TRPM6: variants seen among roughly 807,000 people sequenced by gnomAD.
TRPM6 encodes the protein channel kinase 2.
TRPM6 carries 111 observed loss-of-function variants against 247.6 expected under a neutral mutation model. The ratio of observed to expected loss-of-function variants is 0.45; its 90% CI spans 0.38 to 0.52. The LOEUF (loss-of-function observed/expected upper bound fraction) is 0.52, where lower values mean the gene tolerates loss of function less well. Among genes scored for constraint, TRPM6 ranks in the 20% least tolerant of loss-of-function variants. The pLI is 0.00. For synonymous variants in TRPM6, 892 were observed against 853.8 expected (o/e 1.04, Z -0.78); for missense variants, 2,126 against 2,421.5 (o/e 0.88, Z 2.56).
chr9:74,807,010 A>G (rs1263890373), intron 14 of TRPM6, among the ~76,000 whole-genome samples: 1 of 152,238 alleles, frequency 6.6e-6, no homozygotes, highest in Non-Finnish European at 1.5e-5. Flanking sequence ...GGAACCTCAC[A>G]GCAATGTCTG....
intron 23 of TRPM6, among the ~76,000 whole-genome samples, chr9:74,780,485 C>CAACTCACA (rs1394554104): frequency 6.6e-6 from 1 of 151,830 alleles, no homozygotes; most frequent in East Asian, 1.9e-4. Context: ...ACAGAAAAGC[C>CAACTCACA]AACTCACATG....
intron 7 of TRPM6, among the ~76,000 whole-genome samples, chr9:74,822,413 C>CT (rs35298362): frequency 0.46 from 66,460 of 143,568 alleles, 17,463 homozygotes; most frequent in East Asian, 0.79. Flanking sequence ...CCACACCTAG[C>CT]TTTTTTTTTT....
At chr9:74,879,562 C>G (rs1831296361) in intron 1 of TRPM6, among the ~76,000 whole-genome samples, 1 of 152,068 alleles carries the variant, frequency 6.6e-6, no homozygotes, top group African/African-American at 2.4e-5. Flanking sequence ...CTTTCTGCTC[C>G]TTTCTGATTG....
intron 30 of TRPM6, 55 bp downstream of exon 30, chr9:74,750,609 A>C: frequency 6.6e-7 from 1 of 1,508,980 alleles, no homozygotes; most frequent in Non-Finnish European, 9.2e-7. Flanking sequence ...CTCCTAACCA[A>C]GTTAAAAAAA....
rs1250136364 is a variant in TRPM6, at chr9:74,735,664, T to G, written c.5776+2743A>C. ...ACCACTGTAATTTGAAATACAATTG[T>G]TTTTAATTCCTGTTGCTGGGAACTA... On this transcript the variant is annotated intron_variant, in intron 36 of 38. Coordinates refer to ENST00000360774, the MANE Select transcript of TRPM6 (RefSeq NM_017662.5). Among the ~76,000 whole-genome samples the G allele has an allele frequency of 2.0e-5, 3 of 152,194 alleles. 1 individual carries two copies. Among genetic ancestry groups the G allele is most frequent in the Admixed American group, 2.0e-4 (3 of 15,280 alleles).
chr9:74,800,492 G>A lies in TRPM6; in HGVS notation c.2010-10C>T, dbSNP rs1361169813. The A allele has an allele frequency of 6.2e-7, 1 of 1,609,206 alleles. No individual in the cohort carries two copies. The highest frequency in any genetic ancestry group is 1.3e-5 in the African/African-American group (1 of 74,752). On this transcript the variant is annotated splice_polypyrimidine_tract_variant and intron_variant, in intron 16 of 38. Transcript: ENST00000360774. ...CAGCTGGCCAAACTGTCTGCCATGA[G>A]GGTGGCCAATTAAGAAAACAAAGGC...
intron 5 of TRPM6, among the ~76,000 whole-genome samples, chr9:74,836,745 T>A (rs1163788481): frequency 6.6e-6 from 1 of 152,188 alleles, no homozygotes; most frequent in Non-Finnish European, 1.5e-5. Flanking sequence ...TCCTTTGCAG[T>A]CCCTGTCCCC....
intron 13 of TRPM6, 89 bp from the exon 14 acceptor site, chr9:74,808,263 G>GC: frequency 6.5e-7 from 1 of 1,528,472 alleles, no homozygotes; most frequent in African/African-American, 1.4e-5. Context: ...CAAATTAATT[G>GC]CAAGAAGGTA....
chr9:74,843,468 TCACTACCTA>T (rs1830008157), intron 3 of TRPM6, among the ~76,000 whole-genome samples: 1 of 152,140 alleles, frequency 6.6e-6, no homozygotes, highest in African/African-American at 2.4e-5. Context: ...ATCAGAGGAA[TCACTACCTA>T]CAGCAGCTAA....
chr9:74,810,883 A>G lies in TRPM6; in HGVS notation c.1444-15T>C, dbSNP rs201070319. 3.4e-5 allele frequency: 54 copies of G among 1,609,802 alleles called. No homozygotes were observed. The East Asian group carries it at 1.2e-3, about 35-fold the overall frequency. ...GGTCCTTGTTTCTGAAATAAAGAAC[A>G]AAAGGAAGAATTATTCTCTTTAATT... On this transcript the variant is annotated splice_polypyrimidine_tract_variant and intron_variant, in intron 12 of 38. Coordinates refer to ENST00000360774, the MANE Select transcript of TRPM6 (RefSeq NM_017662.5).
chr9:74,858,824 A>G (rs2118364097), intron 1 of TRPM6, 76 bp from the exon 2 acceptor site: 1 of 1,165,192 alleles, frequency 8.6e-7, no homozygotes, highest in Non-Finnish European at 1.3e-6. Flanking sequence ...CCTGCAGGTA[A>G]GAAATACTCA....
rs150625055 is a variant in TRPM6, at chr9:74,771,113, C to A, written c.3536+590G>T. Among the ~76,000 whole-genome samples, 415 of 152,312 alleles carry A rather than the reference C, an allele frequency of 2.7e-3. 2 individuals carry two copies. The highest frequency in any genetic ancestry group is 9.6e-3 in the African/African-American group (397 of 41,568). Reference sequence around the variant, plus strand: ...CACCATGTGGCCTCAGGCGGCTGCGCTTGCTGTTCCTTCCGCCAGGGGCGC... The same window carrying A: ...CACCATGTGGCCTCAGGCGGCTGCGATTGCTGTTCCTTCCGCCAGGGGCGC... On this transcript the variant is annotated intron_variant, in intron 25 of 38. Transcript: ENST00000360774.
chr9:74,728,564 C>T (rs538302363), intron 37 of TRPM6, among the ~76,000 whole-genome samples: 7 of 152,286 alleles, frequency 4.6e-5, no homozygotes, highest in South Asian at 2.1e-4. Context: ...TACTGTGAAA[C>T]GCATTTCAAC....
Position 74,800,620 on chromosome 9 carries a change from A to T in TRPM6, c.2010-138T>A, listed in dbSNP as rs1013223734. 9.6e-5 allele frequency: 9 copies of T among 93,546 alleles called. No homozygotes were observed. Among genetic ancestry groups the T allele is most frequent in the Non-Finnish European group, 1.8e-4 (9 of 50,372 alleles). 5.8% of individuals were successfully genotyped at this position (93,546 alleles called of 1,614,324 possible). ...AATATCAATTCATAAGGCTTCCTTT[A>T]AAAAAAAAAAAAAAGCCAACAACAC... On this transcript the variant is annotated intron_variant, in intron 16 of 38. Coordinates refer to ENST00000360774, the MANE Select transcript of TRPM6 (RefSeq NM_017662.5).
intron 11 of TRPM6, among the ~76,000 whole-genome samples, chr9:74,815,189 G>A (rs1828883645): frequency 6.6e-6 from 1 of 151,918 alleles, no homozygotes; most frequent in South Asian, 2.1e-4. Context: ...GAAATCATGT[G>A]CCCAACAAAA....
intron 9 of TRPM6, 58 bp downstream of exon 9, chr9:74,820,246 C>T: frequency 1.3e-6 from 2 of 1,558,678 alleles, no homozygotes; most frequent in Non-Finnish European, 1.8e-6. Flanking sequence ...ATAAATATTA[C>T]AGTGTTTATA....
At chr9:74,727,621 A>G (rs975620198) in intron 38 of TRPM6, among the ~76,000 whole-genome samples, 9 of 152,156 alleles carry the variant, frequency 5.9e-5, no homozygotes, top group African/African-American at 1.9e-4. Context: ...CCCTTCTGGG[A>G]CAAAAGAAAG....
At chr9:74,793,071 G>T (rs1282455544) in intron 18 of TRPM6, among the ~76,000 whole-genome samples, 1 of 152,058 alleles carries the variant, frequency 6.6e-6, no homozygotes, top group East Asian at 1.9e-4. Flanking sequence ...CAAAAGAATC[G>T]CTTGAACCCG....
Position 74,875,577 on chromosome 9 carries a change from T to C in TRPM6, c.33+12247A>G, listed in dbSNP as rs137857723. ...AAAATAATAATAATAATAATAAAGATGCAGTCTATAAAGCCTTATGTCAAT... is the reference window on the plus strand; with the variant it reads ...AAAATAATAATAATAATAATAAAGACGCAGTCTATAAAGCCTTATGTCAAT... On this transcript the variant is annotated intron_variant, in intron 1 of 38. Coordinates refer to ENST00000360774, the MANE Select transcript of TRPM6 (RefSeq NM_017662.5). Among the ~76,000 whole-genome samples the C allele has an allele frequency of 1.1e-3, 164 of 152,086 alleles. 1 individual carries two copies. The highest frequency in any genetic ancestry group is 3.6e-3 in the African/African-American group (150 of 41,518).
Sources: allele counts gnomAD v4.1 joint callset (sites outside exome capture counted in the v4.1 genomes callset), GRCh38; gene constraint gnomAD v4.1.1; transcripts MANE v1.5; gene names NCBI Gene and HGNC (gene_info 2026-07-23, HGNC 2026-07-21).